Variants in MEI4 observed in about 807,000 individuals in gnomAD.
The protein encoded by MEI4 is meiotic double-stranded break formation protein 4, also known as meiosis-specific protein MEI4.
Under a neutral mutation model 31.4 loss-of-function variants are expected in MEI4, and 27 were observed. The observed-to-expected ratio is 0.86, with a 90% CI of 0.63 to 1.19. The LOEUF (loss-of-function observed/expected upper bound fraction) is 1.19, where lower values mean the gene tolerates loss of function less well. Among genes scored for constraint, MEI4 ranks in the 50% most tolerant of loss-of-function variants. MEI4 has a pLI of 0.00. For synonymous variants in MEI4, 122 were observed against 145.4 expected, an observed-to-expected ratio of 0.84 and a Z score of 1.16; for missense variants, 329 against 398.9, an observed-to-expected ratio of 0.82 and a Z score of 1.49.
At chr6:77,696,947 T>G (rs1281144753) in intron 2 of MEI4, among the ~76,000 whole-genome samples, 1 of 152,202 alleles carries the variant, frequency 6.6e-6, no homozygotes, top group South Asian at 2.1e-4. Flanking sequence ...TTTCAGAGCC[T>G]GTTATTGGTC....
chr6:77,922,265 T>G (rs1368973486), intron 4 of MEI4, among the ~76,000 whole-genome samples: 1 of 151,744 alleles, frequency 6.6e-6, no homozygotes, highest in Non-Finnish European at 1.5e-5. Context: ...AATACTTTCT[T>G]AATGAATTTG....
At chr6:77,666,528 T>A (rs959135474) in intron 1 of MEI4, among the ~76,000 whole-genome samples, 1 of 152,106 alleles carries the variant, frequency 6.6e-6, no homozygotes, top group Non-Finnish European at 1.5e-5. Flanking sequence ...ATGAACTAAT[T>A]TTGTCTCCTC....
intron 3 of MEI4, among the ~76,000 whole-genome samples, chr6:77,800,573 T>G (rs1184329609): frequency 2.0e-5 from 3 of 152,342 alleles, no homozygotes; most frequent in Middle Eastern, 3.4e-3. Flanking sequence ...TTGTGCCAGT[T>G]TTCAAAGGGA....
At chr6:77,762,676 GC>G (rs1768071973) in intron 3 of MEI4, among the ~76,000 whole-genome samples, 2 of 152,076 alleles carry the variant, frequency 1.3e-5, no homozygotes, top group Non-Finnish European at 2.9e-5. Context: ...AATAAAATTT[GC>G]ACTGATAAAC....
At chr6:77,823,918 G>T (rs1769884561) in intron 3 of MEI4, among the ~76,000 whole-genome samples, 1 of 152,112 alleles carries the variant, frequency 6.6e-6, no homozygotes, top group Non-Finnish European at 1.5e-5. Flanking sequence ...GAGGTTGATG[G>T]TGCAGTGTAA....
chr6:77,770,182 C>G (rs9443468), intron 3 of MEI4, among the ~76,000 whole-genome samples: 35,883 of 151,784 alleles, frequency 0.24, 5,213 homozygotes, highest in African/African-American at 0.41. Context: ...TCATTAGCAG[C>G]TACTTTGAAC....
Position 77,788,583 on chromosome 6 carries a change from A to G in MEI4, c.768+26918A>G, listed in dbSNP as rs7744548. Among the ~76,000 whole-genome samples the G allele has an allele frequency of 1.4e-3, 212 of 150,738 alleles. 1 individual carries two copies. Among genetic ancestry groups the G allele is most frequent in the African/African-American group, 4.6e-3 (186 of 40,672 alleles). Reference sequence around the variant, plus strand: ...CAGGATACAAAATCAATGTGCAAAAATCACAAGCATTCTTATACACCAAGA... The same window carrying G: ...CAGGATACAAAATCAATGTGCAAAAGTCACAAGCATTCTTATACACCAAGA... On this transcript the variant is annotated intron_variant, in intron 3 of 4. Transcript: ENST00000684080.
At chr6:77,841,333 A>ACATATATATATATATATTTTTTTT (rs1770356043) in intron 4 of MEI4, among the ~76,000 whole-genome samples, 3 of 27,748 alleles carry the variant, frequency 1.1e-4, no homozygotes, top group Non-Finnish European at 1.6e-4. Context: ...ATATATATAT[A>ACATATATATATATATATTTTTTTT]TTTTTTTTTT....
intron 4 of MEI4, among the ~76,000 whole-genome samples, chr6:77,879,228 T>C (rs1771420639): frequency 6.6e-6 from 1 of 152,196 alleles, no homozygotes. Flanking sequence ...ATGACAGTGT[T>C]TTCTGTTTAT....
chr6:77,745,166 CA>C (rs1767558240), intron 2 of MEI4, among the ~76,000 whole-genome samples: 1 of 152,154 alleles, frequency 6.6e-6, no homozygotes, highest in African/African-American at 2.4e-5. Flanking sequence ...TTAAAAGACA[CA>C]GACTGGCAAA....
chr6:77,737,520 A>T (rs897320822), intron 2 of MEI4, among the ~76,000 whole-genome samples: 2 of 152,200 alleles, frequency 1.3e-5, no homozygotes, highest in African/African-American at 4.8e-5. Flanking sequence ...GCCATTAGGA[A>T]ATGATCAGAA....
intron 2 of MEI4, among the ~76,000 whole-genome samples, chr6:77,697,426 A>C (rs77689481): frequency 6.6e-6 from 1 of 152,096 alleles, no homozygotes. Flanking sequence ...TTCCCTCTAC[A>C]CACTGCTTTG....
At chr6:77,751,810 CA>C (rs1346854873) in intron 2 of MEI4, among the ~76,000 whole-genome samples, 2 of 151,972 alleles carry the variant, frequency 1.3e-5, no homozygotes, top group African/African-American at 4.8e-5. Context: ...AGAGACACAA[CA>C]AAAAAAGAAA....
chr6:77,834,070 G>T (rs1216819086), intron 4 of MEI4, among the ~76,000 whole-genome samples: 2 of 151,996 alleles, frequency 1.3e-5, no homozygotes, highest in African/African-American at 2.4e-5. Context: ...TACCAACTTA[G>T]CTCCAACCTG....
intron 1 of MEI4, among the ~76,000 whole-genome samples, chr6:77,679,422 A>G (rs9443433): frequency 0.026 from 1,224 of 46,680 alleles, 14 homozygotes; most frequent in African/African-American, 0.092. Flanking sequence ...AGTTGCCTAC[A>G]GTATTTAGTA....
At chr6:77,776,786 C>A (rs1768453284) in intron 3 of MEI4, among the ~76,000 whole-genome samples, 1 of 152,092 alleles carries the variant, frequency 6.6e-6, no homozygotes, top group South Asian at 2.1e-4. Flanking sequence ...TGCAGCTTGC[C>A]AACACAAAAC....
At chr6:77,828,578 TATC>T (rs1329471344) in intron 3 of MEI4, among the ~76,000 whole-genome samples, 1 of 152,158 alleles carries the variant, frequency 6.6e-6, no homozygotes, top group Non-Finnish European at 1.5e-5. Flanking sequence ...ATGACCTATC[TATC>T]ATCTATCTGG....
At chr6:77,807,972 A>G (rs966015326) in intron 3 of MEI4, among the ~76,000 whole-genome samples, 1 of 152,312 alleles carries the variant, frequency 6.6e-6, no homozygotes, top group African/African-American at 2.4e-5. Flanking sequence ...GGCTGTGAAT[A>G]CTATAACAGC....
At chr6:77,700,862 A>C (rs892447707) in intron 2 of MEI4, among the ~76,000 whole-genome samples, 3 of 152,136 alleles carry the variant, frequency 2.0e-5, no homozygotes, top group Non-Finnish European at 4.4e-5. Context: ...TATATAGGGG[A>C]GGGATAAAGA....
Sources: gnomAD v4.1 joint callset for allele counts (sites outside exome capture counted in the v4.1 genomes callset) on GRCh38, gnomAD v4.1.1 for gene constraint, MANE v1.5 for transcripts, NCBI Gene and HGNC (gene_info 2026-07-23, HGNC 2026-07-21) for gene names.